Variants in PKP1 observed in about 807,000 individuals in gnomAD.
PKP1 encodes plakophilin 1, also known as plakophilin-1.
Under a neutral mutation model 76.4 loss-of-function variants are expected in PKP1, and 27 were observed. That is an observed-to-expected ratio of 0.35 (90% CI 0.26 to 0.49). The LOEUF (loss-of-function observed/expected upper bound fraction) is 0.49. PKP1 is among the 20% of genes least tolerant of loss of function. The probability of loss-of-function intolerance (pLI) is 0.99; values close to 1 mark genes in which losing one functional copy is unlikely to be tolerated. For synonymous variants in PKP1, 404 were observed against 384.2 expected (o/e 1.05, Z -0.60); for missense variants, 964 against 955.2 (o/e 1.01, Z -0.12).
At chr1:201,285,427 G>C (rs1435111030) in intron 1 of PKP1, among the ~76,000 whole-genome samples, 1 of 152,088 alleles carries the variant, frequency 6.6e-6, no homozygotes, top group African/African-American at 2.4e-5. Context: ...CTTTGCCTTT[G>C]TGTGGGCTCC....
intron 2 of PKP1, among the ~76,000 whole-genome samples, chr1:201,302,627 C>T (rs941671939): frequency 6.6e-6 from 1 of 152,134 alleles, no homozygotes; most frequent in Non-Finnish European, 1.5e-5. Context: ...CATGTCTCTA[C>T]GGAAGCCTGC....
Position 201,325,794 on chromosome 1 carries a change from T to C in PKP1, c.2062T>C (p.Ser688Pro), listed in dbSNP as rs376796997. The C allele has an allele frequency of 3.7e-6, 6 of 1,613,972 alleles. 1 individual carries two copies. The African/African-American group carries it at 8.0e-5, about 22-fold the overall frequency. Residue 688 changes from serine (S) to proline (P), a missense_variant, in exon 12 of 14, where the codon TCT (serine) becomes CCT (proline). By Grantham distance (74) the Ser-to-Pro change is moderately conservative. Transcript: ENST00000367324. ...KAAEAARLLL[S>P]DMWSSKELQG... ...CGCAGAAGCTGCCCGGCTTCTCCTG[T>C]CTGACATGTGGTCCAGCAAGGAACT...
intron 10 of PKP1, 123 bp from the exon 11 acceptor site, chr1:201,324,818 C>T: frequency 8.8e-7 from 1 of 1,132,144 alleles, no homozygotes; most frequent in Non-Finnish European, 1.3e-6. Flanking sequence ...CCAGGAAGCC[C>T]TGAGGGCCAC....
At chr1:201,328,189 G>A (rs1057142848) in intron 12 of PKP1, 3 of 181,844 alleles carry the variant, frequency 1.6e-5, no homozygotes, top group Non-Finnish European at 3.5e-5. Context: ...GGCACCTGCT[G>A]TATGCTGGGA....
intron 2 of PKP1, among the ~76,000 whole-genome samples, chr1:201,311,377 G>A (rs1571552618): frequency 2.6e-5 from 4 of 152,332 alleles, no homozygotes. Context: ...GGAGTAGGTT[G>A]GTTGACCCAG....
Position 201,316,567 on chromosome 1 carries a change from A to C in PKP1, c.716A>C (p.Asp239Ala). 1.2e-6 allele frequency: 2 copies of C among 1,608,928 alleles called. No individual in the cohort carries two copies. The highest frequency in any genetic ancestry group is 1.7e-6 in the Non-Finnish European group (2 of 1,177,610). Residue 239 changes from aspartate (D) to alanine (A), a missense_variant, in exon 4 of 14, where the codon GAC becomes GCC. Transcript: ENST00000367324. ...ATTCTTCACAGGATCTGCAGTGAGG[A>C]CATCGAGTGCAGTGGGCTGACCATC... The part of the protein sequence containing the change: ...SRASSKICSE[D>A]IECSGLTIPK...
At chr1:201,321,851 T>A in intron 7 of PKP1, 127 bp from the exon 8 acceptor site, 3 of 1,015,200 alleles carry the variant, frequency 3.0e-6, no homozygotes, top group Non-Finnish European at 4.5e-6. Context: ...AGTGTGGTGG[T>A]GCCTGCGCTC....
chr1:201,319,780 G>A, intron 6 of PKP1: 1 of 1,611,538 alleles, frequency 6.2e-7, no homozygotes, highest in Non-Finnish European at 8.5e-7. Context: ...ATCCACTTCT[G>A]ATCCAGCATC....
chr1:201,288,510 C>T (rs1454649741), intron 1 of PKP1, among the ~76,000 whole-genome samples: 2 of 152,204 alleles, frequency 1.3e-5, no homozygotes, highest in Admixed American at 6.5e-5. Context: ...ACTTCAGAAA[C>T]TCCCAGGTGA....
rs1657077087 is a variant in PKP1, at chr1:201,325,145, C to T, written c.2021+18C>T. The T allele has an allele frequency of 6.2e-7, 1 of 1,612,010 alleles. No individual in the cohort carries two copies. Among genetic ancestry groups the T allele is most frequent in the South Asian group, 1.1e-5 (1 of 90,916 alleles). On this transcript the variant is annotated intron_variant, in intron 11 of 13. Transcript: ENST00000367324. ...CGAAGCAGGTGGGCGGGGGGTTGCT[C>T]CCACGGGCTGCACCCCAATCAGAGC...
chr1:201,283,939 C>G, intron 1 of PKP1, 35 bp downstream of exon 1: 1 of 1,579,476 alleles, frequency 6.3e-7, no homozygotes, highest in Non-Finnish European at 8.7e-7. Flanking sequence ...CCGTGCGCCC[C>G]TTTCCAGAGC....
rs1448611761 is a variant in PKP1 at position 201,311,068 on chromosome 1, C to T, written c.307-2098C>T. ...TTAGGTGTCTGAGATGACGTCCAGGCGTGTCGTTTATGGAGAACAAGGGTG... is the reference window on the plus strand; with the variant it reads ...TTAGGTGTCTGAGATGACGTCCAGGTGTGTCGTTTATGGAGAACAAGGGTG... On this transcript the variant is annotated intron_variant, in intron 2 of 13. Transcript: ENST00000367324. 3.9e-5 allele frequency among the ~76,000 whole-genome samples: 6 copies of T among 152,328 alleles called. No homozygotes were observed. In the East Asian group the frequency reaches 5.8e-4, roughly 15 times the overall value.
chr1:201,288,975 A>C (rs2102405443), intron 1 of PKP1, among the ~76,000 whole-genome samples: 1 of 152,334 alleles, frequency 6.6e-6, no homozygotes, highest in East Asian at 1.9e-4. Context: ...ACGTACACCC[A>C]GGAAAAGGTC....
chr1:201,326,902 G>C (rs574211781), intron 12 of PKP1, among the ~76,000 whole-genome samples: 5 of 152,368 alleles, frequency 3.3e-5, no homozygotes, highest in East Asian at 1.9e-4. Flanking sequence ...CAGGGTGCCA[G>C]AAGGGGCTGA....
At chr1:201,328,107 C>G (rs988645367) in intron 12 of PKP1, among the ~76,000 whole-genome samples, 1 of 152,212 alleles carries the variant, frequency 6.6e-6, no homozygotes. Flanking sequence ...GCAGGACCCT[C>G]TTTTCAAGGG....
Position 201,313,519 on chromosome 1 carries a change from C to T in PKP1, c.660C>T (p.Cys220=). The change falls in exon 3 of 14, where the codon TGC becomes TGT. Residue 220 remains cysteine, a synonymous_variant. Transcript: ENST00000367324. ...QDPVYIPPIS[C]NKDLSFGHSR... is the part of the protein sequence containing the mutation. Reference sequence around the variant, plus strand: ...CTGTGTATATCCCGCCCATCTCCTGCAACAAGGACCTGTCCTTTGGCCACT... The same window carrying T: ...CTGTGTATATCCCGCCCATCTCCTGTAACAAGGACCTGTCCTTTGGCCACT... 5 of 1,614,028 alleles carry T rather than the reference C, an allele frequency of 3.1e-6. No homozygotes were observed. The highest frequency in any genetic ancestry group is 4.2e-6 in the Non-Finnish European group (5 of 1,179,992).
At chr1:201,295,571 G>A (rs564992381) in intron 2 of PKP1, among the ~76,000 whole-genome samples, 4 of 152,326 alleles carry the variant, frequency 2.6e-5, no homozygotes, top group South Asian at 2.1e-4. Context: ...ACCAGCAGCC[G>A]GAATGGATGA....
At chr1:201,295,300 A>G (rs751200146) in intron 2 of PKP1, among the ~76,000 whole-genome samples, 1 of 152,050 alleles carries the variant, frequency 6.6e-6, no homozygotes, top group East Asian at 1.9e-4. Context: ...TCTTTCTTAC[A>G]TATTACAGCT....
intron 3 of PKP1, chr1:201,316,307 A>C: frequency 1.9e-6 from 1 of 538,914 alleles, no homozygotes; most frequent in Non-Finnish European, 3.3e-6. Flanking sequence ...ACCTGCTAGG[A>C]CATTAACTGT....
Sources: allele counts gnomAD v4.1 joint callset (sites outside exome capture counted in the v4.1 genomes callset), GRCh38; gene constraint gnomAD v4.1.1; transcripts MANE v1.5; gene names NCBI Gene and HGNC (gene_info 2026-07-23, HGNC 2026-07-21).